Variants in SH3PXD2A observed in about 807,000 individuals in gnomAD.
SH3PXD2A encodes the protein SH3 and PX domains 2A.
A neutral mutation model predicts 115.2 loss-of-function variants in SH3PXD2A; 32 were observed. That is an observed-to-expected ratio of 0.28 (90% CI 0.21 to 0.37). The LOEUF is 0.37. SH3PXD2A is among the 10% of genes least tolerant of loss of function. The probability of loss-of-function intolerance (pLI) is 1.00; values close to 1 mark genes in which losing one functional copy is unlikely to be tolerated. For missense variants in SH3PXD2A, 1,328 were observed against 1,498.7 expected, an observed-to-expected ratio of 0.89 and a Z score of 1.88; for synonymous variants, 610 against 629.1, an observed-to-expected ratio of 0.97 and a Z score of 0.45.
At chr10:103,679,093 G>T (rs1187187248) in intron 6 of SH3PXD2A, among the ~76,000 whole-genome samples, 2 of 152,146 alleles carry the variant, frequency 1.3e-5, no homozygotes, top group Non-Finnish European at 2.9e-5. Context: ...CATTTAGAAA[G>T]CTCAGTAAAT....
chr10:103,742,131 A>G (rs2134192731), intron 3 of SH3PXD2A, among the ~76,000 whole-genome samples: 1 of 152,314 alleles, frequency 6.6e-6, no homozygotes, highest in South Asian at 2.1e-4. Context: ...CCTGGGTGAC[A>G]TAGTGAGACT....
chr10:103,658,167 T>A (rs1311999560), intron 8 of SH3PXD2A, among the ~76,000 whole-genome samples: 2 of 152,196 alleles, frequency 1.3e-5, no homozygotes, highest in Non-Finnish European at 2.9e-5. Flanking sequence ...TTTAGACCAA[T>A]GAGAGCACAG....
chr10:103,833,128 G>A (rs1374177011), intron 1 of SH3PXD2A, among the ~76,000 whole-genome samples: 1 of 152,152 alleles, frequency 6.6e-6, no homozygotes, highest in Admixed American at 6.5e-5. Context: ...GCACTCAAGG[G>A]TATAGAATAT....
At chr10:103,686,778 C>A in intron 6 of SH3PXD2A, among the ~76,000 whole-genome samples, 1 of 144,548 alleles carries the variant, frequency 6.9e-6, no homozygotes, top group African/African-American at 2.6e-5. Context: ...GACAGAGCCT[C>A]GCTCTGTTGC....
intron 13 of SH3PXD2A, among the ~76,000 whole-genome samples, chr10:103,607,712 G>C (rs1271056028): frequency 2.0e-5 from 3 of 152,366 alleles, no homozygotes; most frequent in South Asian, 4.1e-4. Flanking sequence ...AATAGAAAGG[G>C]GGGAAAGGTG....
chr10:103,717,024 T>C (rs1010449938), intron 5 of SH3PXD2A, among the ~76,000 whole-genome samples: 1 of 152,230 alleles, frequency 6.6e-6, no homozygotes, highest in African/African-American at 2.4e-5. Flanking sequence ...TTTGGCACTT[T>C]ATGTGTGCTA....
At chr10:103,668,511 C>T (rs1411844948) in intron 7 of SH3PXD2A, 97 bp downstream of exon 7, 4 of 1,067,004 alleles carry the variant, frequency 3.7e-6, no homozygotes, top group Non-Finnish European at 5.6e-6. Flanking sequence ...TGCTGCACAT[C>T]ACAGGGAAGC....
rs552618653 is a variant in SH3PXD2A at position 103,594,959 on chromosome 10, C to T, written c.*6857G>A. ...CTGGTTCTAATTTGTGGAGGTGGGTCCCTACTGTATGACCCATTGTGGTCA... is the reference window on the plus strand; with the variant it reads ...CTGGTTCTAATTTGTGGAGGTGGGTTCCTACTGTATGACCCATTGTGGTCA... On this transcript the variant is annotated 3_prime_UTR_variant, in exon 15 of 15. Coordinates refer to ENST00000369774, the MANE Select transcript of SH3PXD2A (RefSeq NM_001394015.1). 7 of 152,282 alleles carry T rather than the reference C, an allele frequency of 4.6e-5. No individual in the cohort carries two copies. Among genetic ancestry groups the T allele is most frequent in the African/African-American group, 1.7e-4 (7 of 41,550 alleles). The allele number at this position is 152,282 out of a possible 1,614,324, so 9.4% of individuals were successfully genotyped here.
chr10:103,801,401 T>C, intron 1 of SH3PXD2A, 39 bp from the exon 2 acceptor site: 2 of 1,306,570 alleles, frequency 1.5e-6, no homozygotes, highest in East Asian at 2.3e-5. Flanking sequence ...CAAGGCTGGA[T>C]TTCAAGCTGT....
chr10:103,769,852 A>G (rs1020971487), intron 2 of SH3PXD2A, among the ~76,000 whole-genome samples: 1 of 152,150 alleles, frequency 6.6e-6, no homozygotes, highest in Non-Finnish European at 1.5e-5. Context: ...CTATACCTTA[A>G]TGCTCAGCAA....
In SH3PXD2A at chr10:103,756,448, C is replaced by T. The variant is rs1400522027; in HGVS notation, c.229+10646G>A. On this transcript the variant is annotated intron_variant, in intron 3 of 14. Transcript: ENST00000369774. This position sits in a 1 kb window ranked among gnomAD's most constrained non-coding sequence, Gnocchi z 4.4. ...CAATGCGCCTCAGTGTTCCCCTCCA[C>T]CACCATCACCCGCTGCTGCCACTCC... Among the ~76,000 whole-genome samples the T allele has an allele frequency of 6.6e-6, 1 of 152,132 alleles. No individual in the cohort carries two copies. Among genetic ancestry groups the T allele is most frequent in the Non-Finnish European group, 1.5e-5 (1 of 68,004 alleles).
At chr10:103,851,473 G>A (rs946408039) in intron 1 of SH3PXD2A, among the ~76,000 whole-genome samples, 2 of 152,180 alleles carry the variant, frequency 1.3e-5, no homozygotes, top group African/African-American at 4.8e-5. Context: ...GAACAGGGCT[G>A]AGCCTGGCCT....
intron 1 of SH3PXD2A, among the ~76,000 whole-genome samples, chr10:103,807,545 G>A (rs1172748260): frequency 3.3e-5 from 5 of 152,232 alleles, no homozygotes; most frequent in Non-Finnish European, 5.9e-5. Flanking sequence ...AGTTGGGCAA[G>A]TTGTTCACTG....
At chr10:103,787,544 C>G (rs1359342267) in intron 2 of SH3PXD2A, among the ~76,000 whole-genome samples, 1 of 152,194 alleles carries the variant, frequency 6.6e-6, no homozygotes, top group Non-Finnish European at 1.5e-5. Flanking sequence ...ACTGGGGATT[C>G]CTCCTCAAAG....
chr10:103,826,775 C>A (rs1443232981), intron 1 of SH3PXD2A, among the ~76,000 whole-genome samples: 3 of 152,198 alleles, frequency 2.0e-5, no homozygotes, highest in Non-Finnish European at 4.4e-5. Context: ...ATCTTCAGCA[C>A]CTGATATGGT....
chr10:103,829,558 AGCACCT>A (rs1345278572), intron 1 of SH3PXD2A, among the ~76,000 whole-genome samples: 1 of 152,232 alleles, frequency 6.6e-6, no homozygotes, highest in East Asian at 1.9e-4. Context: ...GTATTTACTG[AGCACCT>A]GCTAAGTGCA....
At chr10:103,831,031 G>A (rs943860873) in intron 1 of SH3PXD2A, among the ~76,000 whole-genome samples, 3 of 152,194 alleles carry the variant, frequency 2.0e-5, no homozygotes, top group African/African-American at 7.2e-5. Context: ...CAAGACAGGT[G>A]CGAAGCATCC....
At chr10:103,610,742 AT>A (rs775921219) in intron 13 of SH3PXD2A, among the ~76,000 whole-genome samples, 8 of 152,190 alleles carry the variant, frequency 5.3e-5, no homozygotes, top group Non-Finnish European at 1.2e-4. Flanking sequence ...AGCCCCCCAC[AT>A]AAATCATCTC....
At chr10:103,832,481 T>G (rs933026126) in intron 1 of SH3PXD2A, among the ~76,000 whole-genome samples, 1 of 151,960 alleles carries the variant, frequency 6.6e-6, no homozygotes, top group Non-Finnish European at 1.5e-5. Context: ...CTATTCACAA[T>G]AGCAAAGACT....
Sources: gnomAD v4.1 joint callset for allele counts (sites outside exome capture counted in the v4.1 genomes callset) on GRCh38, gnomAD v4.1.1 for gene constraint, Gnocchi (gnomAD v3.1) non-coding constraint, MANE v1.5 for transcripts, NCBI Gene and HGNC (gene_info 2026-07-23, HGNC 2026-07-21) for gene names.